Variants in ARHGEF28 observed in about 807,000 individuals in gnomAD.
ARHGEF28 encodes 190 kDa guanine nucleotide exchange factor.
ARHGEF28 carries 152 observed loss-of-function variants against 206.6 expected under a neutral mutation model. The ratio of observed to expected loss-of-function variants is 0.74; its 90% CI spans 0.64 to 0.84. The LOEUF (loss-of-function observed/expected upper bound fraction) is 0.84. Ranked by LOEUF, ARHGEF28 falls within the 40% of genes least tolerant of loss-of-function variation. The pLI, the probability that ARHGEF28 is intolerant of heterozygous loss-of-function variation, is 0.00. For missense variants in ARHGEF28, 2,028 were observed against 2,073.2 expected (o/e 0.98, Z 0.42); for synonymous variants, 763 against 776.4 (o/e 0.98, Z 0.29).
chr5:73,907,375 A>G (rs1299487065), intron 33 of ARHGEF28, among the ~76,000 whole-genome samples: 1 of 152,194 alleles, frequency 6.6e-6, no homozygotes, highest in African/African-American at 2.4e-5. Context: ...AATTTTTGCA[A>G]CACATTAGGT....
intron 17 of ARHGEF28, among the ~76,000 whole-genome samples, chr5:73,865,695 A>G (rs1759661446): frequency 6.6e-6 from 1 of 151,986 alleles, no homozygotes; most frequent in African/African-American, 2.4e-5. Context: ...TGAGCTGGAG[A>G]CCTCTGGTTT....
At chr5:73,761,789 G>A (rs1436324925) in intron 4 of ARHGEF28, among the ~76,000 whole-genome samples, 2 of 152,176 alleles carry the variant, frequency 1.3e-5, no homozygotes, top group African/African-American at 4.8e-5. Flanking sequence ...AGAAGCATGA[G>A]TGACGGATGT....
chr5:73,813,453 G>T, intron 9 of ARHGEF28: 2 of 1,433,036 alleles, frequency 1.4e-6, no homozygotes, highest in South Asian at 1.5e-5. Context: ...TCCCTCCCTG[G>T]TGTGCAGGAG....
chr5:73,726,966 T>C (rs1750310929), intron 2 of ARHGEF28, among the ~76,000 whole-genome samples: 2 of 152,230 alleles, frequency 1.3e-5, no homozygotes, highest in African/African-American at 4.8e-5. Flanking sequence ...AAAGAAAGTA[T>C]GTAAACCAGA....
intron 35 of ARHGEF28, among the ~76,000 whole-genome samples, chr5:73,932,729 CCTA>C (rs1473679959): frequency 6.6e-6 from 1 of 150,388 alleles, no homozygotes; most frequent in Non-Finnish European, 1.5e-5. Flanking sequence ...TATGTTGAAA[CCTA>C]CTACTATTAT....
chr5:73,751,345 G>T (rs1752009245), intron 3 of ARHGEF28, among the ~76,000 whole-genome samples: 2 of 152,334 alleles, frequency 1.3e-5, no homozygotes, highest in South Asian at 4.1e-4. Context: ...GGGAGACAGA[G>T]GTTGCAGTGA....
rs183645844 is a variant in ARHGEF28 at position 73,923,932 on chromosome 5, A to G, written c.4948+12357A>G. Among the ~76,000 whole-genome samples the G allele has an allele frequency of 3.2e-3, 489 of 152,280 alleles. 1 individual carries two copies. The highest frequency in any genetic ancestry group is 5.1e-3 in the Non-Finnish European group (347 of 68,018). On this transcript the variant is annotated intron_variant, in intron 35 of 35. Transcript: ENST00000513042. ...GATGTTGCTTAGCAATAGACTCTAA[A>G]ATGCTTTATCCAATTTATTTTATTT...
intron 1 of ARHGEF28, among the ~76,000 whole-genome samples, chr5:73,663,644 T>C (rs191078219): frequency 3.0e-4 from 45 of 152,376 alleles, no homozygotes; most frequent in Non-Finnish European, 5.3e-4. Flanking sequence ...AAACAGTTCA[T>C]GTGTTTGGAC....
intron 9 of ARHGEF28, among the ~76,000 whole-genome samples, chr5:73,800,462 C>T (rs1333861294): frequency 1.3e-5 from 2 of 152,048 alleles, no homozygotes; most frequent in African/African-American, 4.8e-5. Context: ...GGGCTCAAAT[C>T]ACAGCTATTC....
intron 35 of ARHGEF28, among the ~76,000 whole-genome samples, chr5:73,923,700 T>G (rs399778): frequency 0.29 from 43,639 of 152,078 alleles, 8,269 homozygotes; most frequent in African/African-American, 0.53. Context: ...GGTAAAACAT[T>G]GATCTTCTCA....
intron 1 of ARHGEF28, among the ~76,000 whole-genome samples, chr5:73,650,847 G>C (rs1046857659): frequency 1.3e-5 from 2 of 151,858 alleles, no homozygotes; most frequent in Admixed American, 6.6e-5. Context: ...ACAGGGTTTT[G>C]TCATGTTGTC....
chr5:73,676,069 C>CTTTTTT (rs70973270), intron 1 of ARHGEF28, among the ~76,000 whole-genome samples: 50 of 115,112 alleles, frequency 4.3e-4, no homozygotes, highest in Non-Finnish European at 7.0e-4. Flanking sequence ...ATTTTCTTTT[C>CTTTTTT]TTTTTTTTTT....
At chr5:73,844,313 C>T (rs376617165) in intron 11 of ARHGEF28, among the ~76,000 whole-genome samples, 2 of 152,284 alleles carry the variant, frequency 1.3e-5, no homozygotes, top group Admixed American at 6.5e-5. Context: ...CTATTTTCCA[C>T]TAGTACAGAG....
At chr5:73,661,016 C>G (rs1320940422) in intron 1 of ARHGEF28, among the ~76,000 whole-genome samples, 1 of 152,210 alleles carries the variant, frequency 6.6e-6, no homozygotes, top group Non-Finnish European at 1.5e-5. Flanking sequence ...AGCTTTTAAG[C>G]TAGGCATTGA....
Position 73,882,725 on chromosome 5 carries a change from T to G in ARHGEF28, c.2937+131T>G, listed in dbSNP as rs2973528. The stretch of plus-strand genomic sequence containing the variant: ...CAGGGGAAGAAGAAGGGAGGTGGAA[T>G]GTTTGTGACAAAGGTGGAAAGTCTC... On this transcript the variant is annotated intron_variant, in intron 23 of 35. Transcript: ENST00000513042. The G allele has an allele frequency of 0.58, 498,242 of 858,118 alleles. 147,221 individuals carry two copies. The highest frequency in any genetic ancestry group is 0.71 in the African/African-American group (39,661 of 55,534). The allele number at this position is 858,118 out of a possible 1,614,324, so 53.2% of individuals were successfully genotyped here.
At chr5:73,705,953 G>A (rs970601976) in intron 2 of ARHGEF28, among the ~76,000 whole-genome samples, 1 of 152,182 alleles carries the variant, frequency 6.6e-6, no homozygotes, top group Non-Finnish European at 1.5e-5. Flanking sequence ...TGCTGAGCAC[G>A]TGGCGGTGTT....
intron 13 of ARHGEF28, among the ~76,000 whole-genome samples, chr5:73,850,508 A>G (rs1290889563): frequency 6.6e-6 from 1 of 152,088 alleles, no homozygotes; most frequent in East Asian, 1.9e-4. Context: ...ATAGCTCGAC[A>G]CCTTTTCACT....
intron 33 of ARHGEF28, among the ~76,000 whole-genome samples, chr5:73,906,320 C>T (rs1348745964): frequency 2.6e-5 from 4 of 152,152 alleles, no homozygotes; most frequent in Non-Finnish European, 5.9e-5. Flanking sequence ...CTCACTGCAA[C>T]CTCTGTCTCC....
Position 73,776,699 on chromosome 5 carries a change from T to C in ARHGEF28, c.840+3T>C. The C allele has an allele frequency of 6.2e-7, 1 of 1,606,164 alleles. No individual in the cohort carries two copies. The highest frequency in any genetic ancestry group is 8.5e-7 in the Non-Finnish European group (1 of 1,174,954). On this transcript the variant is annotated splice_donor_region_variant and intron_variant, in intron 6 of 35. Coordinates refer to ENST00000513042, the MANE Select transcript of ARHGEF28 (RefSeq NM_001177693.2). ...GGGATAGAGCCTTTCTTGTCAAGGT[T>C]TGTACATAGTGATTCTAGCATGTGA...
Sources: gnomAD v4.1 joint callset for allele counts (sites outside exome capture counted in the v4.1 genomes callset) on GRCh38, gnomAD v4.1.1 for gene constraint, MANE v1.5 for transcripts, NCBI Gene and HGNC (gene_info 2026-07-23, HGNC 2026-07-21) for gene names.